The following TM9SF1 variants were observed in gnomAD, a reference collection of about 807,000 sequenced individuals.
TM9SF1 encodes the protein MP70 protein family member.
A neutral mutation model predicts 52.4 loss-of-function variants in TM9SF1; 25 were observed. The observed-to-expected ratio is 0.48, with a 90% CI of 0.35 to 0.67. The LOEUF (loss-of-function observed/expected upper bound fraction) is 0.67, where lower values mean the gene tolerates loss of function less well. TM9SF1 is among the 30% of genes least tolerant of loss of function. The pLI is 0.01. For synonymous variants in TM9SF1, 284 were observed against 299.8 expected, an observed-to-expected ratio of 0.95 and a Z score of 0.55; for missense variants, 604 against 780.3, an observed-to-expected ratio of 0.77 and a Z score of 2.69.
At chr14:24,189,950 C>A (rs1462554162) in intron 5 of TM9SF1, 142 bp from the exon 6 acceptor site, 4 of 1,403,348 alleles carry the variant, frequency 2.9e-6, no homozygotes, top group Non-Finnish European at 3.7e-6. Flanking sequence ...TGCCCCAGAT[C>A]TCCTGGCTTC....
Position 24,189,762 on chromosome 14 carries a change from G to A in TM9SF1, c.1474C>T (p.Arg492Trp), listed in dbSNP as rs1429740342. The change falls in exon 6 of 6, where the codon CGG (arginine) becomes TGG (tryptophan). Residue 492 changes from arginine (R) to tryptophan (W), a missense_variant. By Grantham distance (101) the Arg-to-Trp change is moderately radical. Around this residue, in one of 3 missense-constraint regions of TM9SF1, gnomAD observed 107 missense variants for 180.5 expected, o/e 0.59. Coordinates refer to ENST00000261789, the MANE Select transcript of TM9SF1 (RefSeq NM_006405.7). Reference protein sequence around the residue: ...LYYIFATVWGREQYTLYGILF... With the variant: ...LYYIFATVWGWEQYTLYGILF... ...ATGCCGTACAAAGTGTACTGCTCCC[G>A]ACCCCATACTGTGGCAAAGATGTAG... is the stretch of plus-strand genomic sequence containing the variant. The A allele has an allele frequency of 2.4e-5, 39 of 1,613,920 alleles. No individual in the cohort carries two copies. The highest frequency in any genetic ancestry group is 3.2e-5 in the Non-Finnish European group (38 of 1,179,988).
At chr14:24,191,814 CT>C (rs540154238) in intron 4 of TM9SF1, 3,401 of 169,508 alleles carry the variant, frequency 0.02, no homozygotes, top group South Asian at 0.041. Context: ...ATGATGTGTT[CT>C]TTTTTTTTTT....
intron 2 of TM9SF1, 123 bp downstream of exon 2, chr14:24,194,552 G>A: frequency 1.1e-6 from 1 of 930,806 alleles, no homozygotes; most frequent in Admixed American, 2.2e-5. Context: ...CTGCCACACT[G>A]GGTTGTATTG....
intron 1 of TM9SF1, 34 bp from the exon 2 acceptor site, chr14:24,195,070 G>A: frequency 6.5e-7 from 1 of 1,540,046 alleles, no homozygotes; most frequent in South Asian, 1.2e-5. Flanking sequence ...ATAGAAACCA[G>A]GGAGGTTACA....
rs1401421254 is a variant in TM9SF1, at chr14:24,190,544, C to T, written c.1263G>A (p.Leu421=). The change falls in exon 5 of 6, where the codon CTG becomes CTA. Residue 421 remains leucine, a synonymous_variant. Transcript: ENST00000261789. Reference sequence around the variant, plus strand: ...CAATGACAGTGAGGGGAAAGCCCACCAGCAGCCAAACCGTCAGAAGCAGCA... The same window carrying T: ...CAATGACAGTGAGGGGAAAGCCCACTAGCAGCCAAACCGTCAGAAGCAGCA... ...TILLLLTVWL[L]VGFPLTVIGG... is the part of the protein sequence containing the mutation. 1 of 1,614,032 alleles carries T rather than the reference C, an allele frequency of 6.2e-7. No homozygotes were observed. The highest frequency in any genetic ancestry group is 1.3e-5 in the African/African-American group (1 of 74,914).
chr14:24,192,045 C>T lies in TM9SF1; in HGVS notation c.1153+126G>A, dbSNP rs1163869359. The T allele has an allele frequency of 2.0e-6, 2 of 978,844 alleles. No individual in the cohort carries two copies. Among genetic ancestry groups the T allele is most frequent in the Non-Finnish European group, 3.2e-6 (2 of 629,552 alleles). 60.6% of individuals were successfully genotyped at this position (978,844 alleles called of 1,614,324 possible). On this transcript the variant is annotated intron_variant, in intron 4 of 5. Coordinates refer to ENST00000261789, the MANE Select transcript of TM9SF1 (RefSeq NM_006405.7). This position sits in a 1 kb window ranked among gnomAD's most constrained non-coding sequence, Gnocchi z 4.0. Reference sequence around the variant, plus strand: ...TAGGCTTGTCTCAAACTTTTGGGCTCAAGTGATCCTCCGGCCTCGGTCTCC... The same window carrying T: ...TAGGCTTGTCTCAAACTTTTGGGCTTAAGTGATCCTCCGGCCTCGGTCTCC...
rs759292419 is a variant in TM9SF1, at chr14:24,192,249, C to A, written c.1075G>T (p.Val359Leu). 4 of 1,614,160 alleles carry A rather than the reference C, an allele frequency of 2.5e-6. No homozygotes were observed. In the South Asian group the frequency reaches 4.4e-5, roughly 18 times the overall value. The change falls in exon 4 of 6, where the codon GTG becomes TTG. Residue 359 changes from valine (V) to leucine (L), a missense_variant. Val to Leu is a conservative substitution (Grantham distance 32). Transcript: ENST00000261789. This position sits in a 1 kb window ranked among gnomAD's most constrained non-coding sequence, Gnocchi z 4.0. The part of the protein sequence containing the change: ...YALTCCISGY[V>L]SSHFYRQIGG... ...ATCTGCCGGTAGAAGTGGCTGGACA[C>A]GTAGCCAGAGATGCAGCAGGTCAGG...
At position 24,189,769 on chromosome 14, in the gene TM9SF1, T is replaced by C. The variant is rs2039288420; in HGVS notation, c.1467A>G (p.Val489=). 2 of 1,613,708 alleles carry C rather than the reference T, an allele frequency of 1.2e-6. No homozygotes were observed. Among genetic ancestry groups the C allele is most frequent in the African/African-American group, 1.3e-5 (1 of 74,830 alleles). The change falls in exon 6 of 6, where the codon GTA becomes GTG. Residue 489 remains valine, a synonymous_variant. Coordinates refer to ENST00000261789, the MANE Select transcript of TM9SF1 (RefSeq NM_006405.7). ...SVELYYIFAT[V]WGREQYTLYG... is the part of the protein sequence containing the mutation. ...ACAAAGTGTACTGCTCCCGACCCCA[T>C]ACTGTGGCAAAGATGTAGTACAGCT...
chr14:24,191,884 T>G (rs907281160), intron 4 of TM9SF1: 1 of 355,082 alleles, frequency 2.8e-6, no homozygotes, highest in African/African-American at 2.1e-5. Context: ...CATGGCTCAC[T>G]GTAGCCTCAA....
Position 24,189,566 on chromosome 14 carries a change from C to T in TM9SF1, c.1670G>A (p.Arg557His), listed in dbSNP as rs2039284772. 5 of 1,614,098 alleles carry T rather than the reference C, an allele frequency of 3.1e-6. No homozygotes were observed. The highest frequency in any genetic ancestry group is 1.7e-5 in the Admixed American group (1 of 60,004). Residue 557 changes from arginine to histidine, a missense_variant, in exon 6 of 6, where the codon CGC becomes CAC. Coordinates refer to ENST00000261789, the MANE Select transcript of TM9SF1 (RefSeq NM_006405.7). ...FLYSVFYYAR[R>H]SNMSGAVQTV... ...CTGTACTGCCCCAGACATGTTGGAGCGCCGGGCATAATAGAAAACTGAGTA... is the reference window on the plus strand; with the variant it reads ...CTGTACTGCCCCAGACATGTTGGAGTGCCGGGCATAATAGAAAACTGAGTA...
At position 24,189,621 on chromosome 14, in the gene TM9SF1, C is replaced by T; in HGVS notation, c.1615G>A (p.Val539Ile). The T allele has an allele frequency of 6.2e-7, 1 of 1,614,106 alleles. No individual in the cohort carries two copies. Among genetic ancestry groups the T allele is most frequent in the Non-Finnish European group, 8.5e-7 (1 of 1,180,022 alleles). The change falls in exon 6 of 6, where the codon GTT becomes ATT. Residue 539 changes from valine (V) to isoleucine (I), a missense_variant. By Grantham distance (29) the Val-to-Ile change is conservative. Coordinates refer to ENST00000261789, the MANE Select transcript of TM9SF1 (RefSeq NM_006405.7). The stretch of plus-strand genomic sequence containing the variant: ...AAGATGAAGAGGCCGGTGGAGCCAA[C>T]ACTCAGCACAGATCGCCACCACCAG... ...YRWWWRSVLS[V>I]GSTGLFIFLY...
In TM9SF1 at chr14:24,194,878, T is replaced by C; in HGVS notation, c.142A>G (p.Lys48Glu). 1 of 1,614,240 alleles carries C rather than the reference T, an allele frequency of 6.2e-7. No individual in the cohort carries two copies. The highest frequency in any genetic ancestry group is 8.5e-7 in the Non-Finnish European group (1 of 1,180,052). ...AGDPVILYVN[K>E]VGPYHNPQET... ...TGAGGGTTATGGTAGGGTCCCACTT[T>C]GTTGACATACAGAATAACAGGGTCG... Residue 48 changes from lysine to glutamate, a missense_variant, in exon 2 of 6, where the codon AAA becomes GAA. Physicochemically the swap from Lys to Glu is moderately conservative, Grantham distance 56. Coordinates refer to ENST00000261789, the MANE Select transcript of TM9SF1 (RefSeq NM_006405.7).
At position 24,192,837 on chromosome 14, in the gene TM9SF1, C is replaced by T; in HGVS notation, c.778G>A (p.Val260Met). The change falls in exon 3 of 6, where the codon GTG becomes ATG. Residue 260 changes from valine (V) to methionine (M), a missense_variant. Val to Met is a conservative substitution (Grantham distance 21, BLOSUM62 1). Transcript: ENST00000261789. The surrounding 1 kb of genome is among the most constrained non-coding windows in gnomAD (Gnocchi z 4.0). ...TACCGAGCCAGGTCATTCCGAAGCA[C>T]ACGCATTAGAATGACAGCCACAAAA... ...VGFVAVILMR[V>M]LRNDLARYNL... 6.2e-7 allele frequency: 1 copy of T among 1,613,570 alleles called. No individual in the cohort carries two copies. The highest frequency in any genetic ancestry group is 1.1e-5 in the South Asian group (1 of 91,014).
In TM9SF1 at chr14:24,192,387, G is replaced by C. The variant is rs1239088696; in HGVS notation, c.968-31C>G. On this transcript the variant is annotated intron_variant, in intron 3 of 5. Coordinates refer to ENST00000261789, the MANE Select transcript of TM9SF1 (RefSeq NM_006405.7). The surrounding 1 kb of genome is among the most constrained non-coding windows in gnomAD (Gnocchi z 4.0). ...GGACGGTAGCGGAAAGCCCAAGTTA[G>C]GCCTCACCTGTGTCTCTTCTAGCAA... The C allele has an allele frequency of 6.3e-7, 1 of 1,598,752 alleles. No individual in the cohort carries two copies. The highest frequency in any genetic ancestry group is 1.3e-5 in the African/African-American group (1 of 74,618).
chr14:24,194,870 TC>T lies in TM9SF1; in HGVS notation c.149del (p.Gly50AspfsTer84). 6.2e-7 allele frequency: 1 copy of T among 1,614,190 alleles called. No homozygotes were observed. The highest frequency in any genetic ancestry group is 8.5e-7 in the Non-Finnish European group (1 of 1,180,040). ...DPVILYVNKV[G>X]PYHNPQETYH... ...AAGTTTCCTGAGGGTTATGGTAGGGTCCCACTTTGTTGACATACAGAATAAC... is the reference window on the plus strand; with the variant it reads ...AAGTTTCCTGAGGGTTATGGTAGGGTCCACTTTGTTGACATACAGAATAAC... On this transcript the variant is annotated frameshift_variant, in exon 2 of 6. Transcript: ENST00000261789. LOFTEE classifies it high-confidence loss of function.
chr14:24,195,165 C>T lies in TM9SF1; in HGVS notation c.-17-129G>A, dbSNP rs186898876. On this transcript the variant is annotated intron_variant, in intron 1 of 5. Transcript: ENST00000261789. The stretch of plus-strand genomic sequence containing the variant: ...CCCCTCCCCGCCTCACCCTACCCCA[C>T]GTCTCTCTATCCCAAAGACCCCGCT... 5.2e-5 allele frequency: 33 copies of T among 639,114 alleles called. No homozygotes were observed. The African/African-American group carries it at 5.7e-4, about 11-fold the overall frequency. The allele number at this position is 639,114 out of a possible 1,614,324, so 39.6% of individuals were successfully genotyped here. A position where few individuals can be genotyped will look rare whatever the true frequency, so the allele number is the denominator to read the frequency against.
chr14:24,192,277 A>G lies in TM9SF1; in HGVS notation c.1047T>C (p.Tyr349=), dbSNP rs763443997. The change falls in exon 4 of 6, where the codon TAT becomes TAC. Residue 349 remains tyrosine (Y), a synonymous_variant. Transcript: ENST00000261789. The surrounding 1 kb of genome is among the most constrained non-coding windows in gnomAD (Gnocchi z 4.0). ...AGCCAGAGATGCAGCAGGTCAGGGC[A>G]TACAACAAGATGGCTGCTGAGTTAA... The part of the protein sequence containing the change: ...GAINSAAILL[Y]ALTCCISGYV... The G allele has an allele frequency of 3.1e-6, 5 of 1,614,210 alleles. No homozygotes were observed.
At chr14:24,191,767 T>C (rs2039325937) in intron 4 of TM9SF1, 1 of 163,958 alleles carries the variant, frequency 6.1e-6, no homozygotes, top group Non-Finnish European at 1.3e-5. Flanking sequence ...CAATATTCCT[T>C]CCCTTCAAGC....
chr14:24,191,275 G>A (rs926512394), intron 4 of TM9SF1, among the ~76,000 whole-genome samples: 5 of 152,234 alleles, frequency 3.3e-5, no homozygotes, highest in Non-Finnish European at 5.9e-5. Context: ...CCAGGGGCCT[G>A]TCTTGCCTTG....
Sources: gnomAD v4.1 joint callset for allele counts (sites outside exome capture counted in the v4.1 genomes callset) on GRCh38, gnomAD v4.1.1 for gene constraint, gnomAD v4.1.1 regional missense constraint, Gnocchi (gnomAD v3.1) non-coding constraint, MANE v1.5 for transcripts, NCBI Gene and HGNC (gene_info 2026-07-23, HGNC 2026-07-21) for gene names.